VAT1L: variants seen among roughly 807,000 people sequenced by gnomAD.
The protein encoded by VAT1L is putative NADPH-dependent quinone oxidoreductase VAT1L.
Under a neutral mutation model 44.1 loss-of-function variants are expected in VAT1L, and 34 were observed. The ratio of observed to expected loss-of-function variants is 0.77; its 90% CI spans 0.59 to 1.03. The LOEUF (loss-of-function observed/expected upper bound fraction) is 1.03, where lower values mean the gene tolerates loss of function less well. Among genes scored for constraint, VAT1L ranks in the 50% least tolerant of loss-of-function variants. VAT1L has a pLI of 0.00. For synonymous variants in VAT1L, 253 were observed against 202.2 expected (o/e 1.25, Z -2.13); for missense variants, 615 against 538.8 (o/e 1.14, Z -1.40).
At chr16:77,940,404 C>T (rs535748604) in intron 7 of VAT1L, among the ~76,000 whole-genome samples, 1 of 140,658 alleles carries the variant, frequency 7.1e-6, no homozygotes, top group African/African-American at 2.6e-5. Context: ...ATTGCAGCGG[C>T]ACAGTCTTGG....
chr16:77,926,451 G>A lies in VAT1L; in HGVS notation c.1077+41649G>A, dbSNP rs148711786. Among the ~76,000 whole-genome samples the A allele has an allele frequency of 3.7e-3, 559 of 151,986 alleles. 4 individuals are homozygous for A. The highest frequency in any genetic ancestry group is 0.012 in the African/African-American group (510 of 41,446). The stretch of plus-strand genomic sequence containing the variant: ...ATACAAAAGTTAGTAGGGTGTGGTG[G>A]CAGGCGCCTGTAATCCCAGCTACTC... On this transcript the variant is annotated intron_variant, in intron 7 of 8. Transcript: ENST00000302536.
Position 77,971,893 on chromosome 16 carries a change from G to C in VAT1L, c.1121G>C (p.Gly374Ala), listed in dbSNP as rs2018282135. 6.2e-7 allele frequency: 1 copy of C among 1,613,826 alleles called. No individual in the cohort carries two copies. Among genetic ancestry groups the C allele is most frequent in the African/African-American group, 1.3e-5 (1 of 74,906 alleles). ...MQRIHDRGNI[G>A]KLILDVEKTP... ...CGGATTCACGACCGAGGGAACATTG[G>C]CAAGTTAATTCTGGATGTAGAAAAG... The change falls in exon 8 of 9, where the codon GGC (glycine) becomes GCC (alanine). Residue 374 changes from glycine to alanine, a missense_variant. Coordinates refer to ENST00000302536, the MANE Select transcript of VAT1L (RefSeq NM_020927.3).
At chr16:77,930,929 G>C (rs2017724781) in intron 7 of VAT1L, among the ~76,000 whole-genome samples, 1 of 152,136 alleles carries the variant, frequency 6.6e-6, no homozygotes, top group Non-Finnish European at 1.5e-5. Context: ...TGAGTAGCTA[G>C]GATCTTCCAG....
chr16:77,822,954 T>C (rs1171123623), intron 2 of VAT1L, among the ~76,000 whole-genome samples: 1 of 152,056 alleles, frequency 6.6e-6, no homozygotes. Context: ...CTTAGAACAT[T>C]GTTGATGCTG....
intron 3 of VAT1L, among the ~76,000 whole-genome samples, chr16:77,827,808 T>C (rs973387307): frequency 6.6e-6 from 1 of 152,188 alleles, no homozygotes; most frequent in Non-Finnish European, 1.5e-5. Context: ...AAGAAATGTA[T>C]GGTGAAATGC....
At chr16:77,956,449 C>T (rs973566858) in intron 7 of VAT1L, among the ~76,000 whole-genome samples, 4 of 152,164 alleles carry the variant, frequency 2.6e-5, no homozygotes, top group African/African-American at 7.2e-5. Flanking sequence ...GTGCTTTGCT[C>T]GGTGACAGCA....
chr16:77,802,639 C>G (rs932720389), intron 1 of VAT1L, among the ~76,000 whole-genome samples: 2 of 144,686 alleles, frequency 1.4e-5, no homozygotes, highest in African/African-American at 5.0e-5. Context: ...CACACACACA[C>G]ACACACACAC....
intron 7 of VAT1L, among the ~76,000 whole-genome samples, chr16:77,941,137 A>G (rs1031053115): frequency 6.6e-6 from 1 of 152,066 alleles, no homozygotes; most frequent in African/African-American, 2.4e-5. Flanking sequence ...TGTTATTAGT[A>G]TGTCAGTTAA....
intron 7 of VAT1L, among the ~76,000 whole-genome samples, chr16:77,923,862 G>A (rs772495716): frequency 1.3e-5 from 2 of 152,132 alleles, no homozygotes; most frequent in African/African-American, 4.8e-5. Context: ...CTTAGCAGCC[G>A]ACACACTGGT....
intron 7 of VAT1L, among the ~76,000 whole-genome samples, chr16:77,911,810 A>G (rs1470358526): frequency 6.6e-6 from 1 of 152,142 alleles, no homozygotes; most frequent in Non-Finnish European, 1.5e-5. Flanking sequence ...CTCACTCCCC[A>G]CCTCTGGCAT....
At chr16:77,874,839 TAAAAAA>T (rs769810512) in intron 4 of VAT1L, among the ~76,000 whole-genome samples, 12 of 87,718 alleles carry the variant, frequency 1.4e-4, no homozygotes, top group African/African-American at 3.7e-4. Flanking sequence ...AATTAATTTG[TAAAAAA>T]AAAAAAAAAA....
At chr16:77,938,724 T>A (rs1221047457) in intron 7 of VAT1L, among the ~76,000 whole-genome samples, 1 of 152,296 alleles carries the variant, frequency 6.6e-6, no homozygotes, top group African/African-American at 2.4e-5. Flanking sequence ...TGCGGAACCA[T>A]GAGCCAATTA....
chr16:77,964,207 C>G (rs1265082298), intron 7 of VAT1L, among the ~76,000 whole-genome samples: 2 of 152,146 alleles, frequency 1.3e-5, no homozygotes. Flanking sequence ...TCACCCATCA[C>G]CTCCTTAAAC....
chr16:77,812,896 T>A (rs1478915870), intron 1 of VAT1L, among the ~76,000 whole-genome samples: 1 of 152,174 alleles, frequency 6.6e-6, no homozygotes, highest in East Asian at 1.9e-4. Context: ...CTTATATTAT[T>A]TATTAAAATT....
At chr16:77,911,736 C>T (rs1465632186) in intron 7 of VAT1L, among the ~76,000 whole-genome samples, 1 of 152,054 alleles carries the variant, frequency 6.6e-6, no homozygotes, top group African/African-American at 2.4e-5. Flanking sequence ...ACAAGGCACC[C>T]CAAGGGGATG....
intron 4 of VAT1L, among the ~76,000 whole-genome samples, chr16:77,864,705 C>A (rs1051485357): frequency 6.6e-6 from 1 of 152,174 alleles, no homozygotes; most frequent in Non-Finnish European, 1.5e-5. Context: ...AGTTTTAGAA[C>A]AGATTTGGTG....
At chr16:77,815,500 A>T (rs1310463961) in intron 1 of VAT1L, among the ~76,000 whole-genome samples, 1 of 152,142 alleles carries the variant, frequency 6.6e-6, no homozygotes, top group Non-Finnish European at 1.5e-5. Context: ...GTGGTTGGGA[A>T]AACTTTGAGA....
Position 77,884,811 on chromosome 16 carries a change from G to C in VAT1L, c.1077+9G>C, listed in dbSNP as rs572788010. On this transcript the variant is annotated intron_variant, in intron 7 of 8. Coordinates refer to ENST00000302536, the MANE Select transcript of VAT1L (RefSeq NM_020927.3). This position sits in a 1 kb window ranked among gnomAD's most constrained non-coding sequence, Gnocchi z 4.5. The stretch of plus-strand genomic sequence containing the variant: ...TGTGGGCTCTGGAGGAGGTAAGAAT[G>C]GTGCTTTTCTTCTGCAAATAAACTC... The C allele has an allele frequency of 6.8e-7, 1 of 1,460,476 alleles. No individual in the cohort carries two copies. Among genetic ancestry groups the C allele is most frequent in the Non-Finnish European group, 9.0e-7 (1 of 1,106,882 alleles). 90.5% of individuals were successfully genotyped at this position (1,460,476 alleles called of 1,614,324 possible).
At chr16:77,909,613 G>A (rs773991040) in intron 7 of VAT1L, among the ~76,000 whole-genome samples, 15 of 145,790 alleles carry the variant, frequency 1.0e-4, no homozygotes, top group Non-Finnish European at 1.9e-4. Context: ...CTCCAGCCTG[G>A]GCGACAGAGG....
Sources: allele counts gnomAD v4.1 joint callset (sites outside exome capture counted in the v4.1 genomes callset), GRCh38; gene constraint gnomAD v4.1.1; non-coding constraint Gnocchi (gnomAD v3.1); transcripts MANE v1.5; gene names NCBI Gene and HGNC (gene_info 2026-07-23, HGNC 2026-07-21).